Variants in LENG8 observed in about 807,000 individuals in gnomAD.
LENG8 encodes the protein leukocyte receptor cluster (LRC) member 8.
LENG8 carries 28 observed loss-of-function variants against 102.1 expected under a neutral mutation model. The observed-to-expected ratio is 0.27, with a 90% CI of 0.20 to 0.38. The LOEUF is 0.38. Ranked by LOEUF, LENG8 falls within the 10% of genes least tolerant of loss-of-function variation. The pLI, the probability that LENG8 is intolerant of heterozygous loss-of-function variation, is 1.00. For missense variants in LENG8, 1,022 were observed against 1,113.9 expected (o/e 0.92, Z 1.17); for synonymous variants, 531 against 456.7 (o/e 1.16, Z -2.07).
chr19:54,460,249 C>A, intron 15 of LENG8: 2 of 1,281,532 alleles, frequency 1.6e-6, no homozygotes, highest in South Asian at 2.5e-5. Context: ...GCTCTGAGGA[C>A]CTGGCTCGTG....
intron 1 of LENG8, among the ~76,000 whole-genome samples, chr19:54,450,601 C>T (rs2083915465): frequency 6.7e-6 from 1 of 149,832 alleles, no homozygotes; most frequent in African/African-American, 2.4e-5. Flanking sequence ...GTTCCTTTCA[C>T]AACCCGTACT....
intron 15 of LENG8, chr19:54,459,303 G>A: frequency 9.9e-7 from 1 of 1,011,818 alleles, no homozygotes; most frequent in South Asian, 4.2e-5. Context: ...GAGAAATTCT[G>A]GTCGAAGAGG....
rs763454762 is a variant in LENG8 at position 54,461,244 on chromosome 19, T to C, written c.*316T>C. The C allele has an allele frequency of 5.7e-5, 32 of 557,592 alleles. No homozygotes were observed. Among genetic ancestry groups the C allele is most frequent in the South Asian group, 2.8e-4 (18 of 64,274 alleles). 34.5% of individuals were successfully genotyped at this position (557,592 alleles called of 1,614,324 possible). A position where few individuals can be genotyped will look rare whatever the true frequency, so the allele number is the denominator to read the frequency against. On this transcript the variant is annotated 3_prime_UTR_variant, in exon 16 of 16. Transcript: ENST00000326764. ...GTCTCAGTGTTTTCTCTCTCTCTCT[T>C]TCGAGCTTGCACTCCGGTACCCGAC...
At chr19:54,457,486 G>A (rs894966142) in intron 11 of LENG8, among the ~76,000 whole-genome samples, 22 of 152,230 alleles carry the variant, frequency 1.4e-4, no homozygotes, top group Admixed American at 2.6e-4. Context: ...GATTACAGGC[G>A]TCTGCCACTA....
At position 54,460,867 on chromosome 19, in the gene LENG8, C is replaced by G; in HGVS notation, c.2342C>G (p.Thr781Arg). The change falls in exon 16 of 16, where the codon ACG (threonine) becomes AGG (arginine). Residue 781 changes from threonine (T) to arginine (R), a missense_variant. Thr to Arg is a moderately conservative substitution (Grantham distance 71, BLOSUM62 -1). This residue lies in a region of LENG8 where 129 missense variants were observed against 123.0 expected (regional missense o/e 1.05). Transcript: ENST00000326764. ...AFLEPLGLAYTGPDNSSIDCR... is the reference protein window; with the variant it reads ...AFLEPLGLAYRGPDNSSIDCR... ...CTAGAGCCCCTGGGCCTGGCCTACA[C>G]GGGCCCGGACAACTCCAGCATCGAC... 6.4e-7 allele frequency: 1 copy of G among 1,562,782 alleles called. No individual in the cohort carries two copies. Among genetic ancestry groups the G allele is most frequent in the Non-Finnish European group, 8.7e-7 (1 of 1,155,062 alleles).
chr19:54,451,044 C>T (rs1410467850), intron 1 of LENG8, among the ~76,000 whole-genome samples: 1 of 152,184 alleles, frequency 6.6e-6, no homozygotes, highest in Non-Finnish European at 1.5e-5. Context: ...GAAGTCTGCT[C>T]TGGCTTCCCT....
At position 54,451,786 on chromosome 19, in the gene LENG8, G is replaced by T. The variant is rs373853345; in HGVS notation, c.39-307G>T. 7.6e-4 allele frequency among the ~76,000 whole-genome samples: 116 copies of T among 152,268 alleles called. 1 individual carries two copies. The highest frequency in any genetic ancestry group is 2.7e-3 in the African/African-American group (113 of 41,556). The stretch of plus-strand genomic sequence containing the variant: ...AATTCATTGATTCATGAAAGACATA[G>T]CCCTAGGAGGTGCCAAGGCCTGTGT... On this transcript the variant is annotated intron_variant, in intron 2 of 15. Transcript: ENST00000326764.
chr19:54,461,667 G>C lies in LENG8; in HGVS notation c.*739G>C. The C allele has an allele frequency of 2.1e-6, 1 of 478,996 alleles. No homozygotes were observed. Among genetic ancestry groups the C allele is most frequent in the Non-Finnish European group, 4.3e-6 (1 of 233,492 alleles). The allele number at this position is 478,996 out of a possible 1,614,324, so 29.7% of individuals were successfully genotyped here. A position where few individuals can be genotyped will look rare whatever the true frequency, so the allele number is the denominator to read the frequency against. On this transcript the variant is annotated 3_prime_UTR_variant, in exon 16 of 16. Transcript: ENST00000326764. ...CCCTCCCTCTCCGCATTCTTCCCTT[G>C]GTTCAGCACAGGTAAAACGGTTCCC... is the stretch of plus-strand genomic sequence containing the variant.
intron 11 of LENG8, 72 bp from the exon 12 acceptor site, chr19:54,457,675 C>T (rs551545796): frequency 1.2e-5 from 13 of 1,079,640 alleles, no homozygotes; most frequent in South Asian, 1.1e-4. Flanking sequence ...AACTCTCCCA[C>T]CAAATAAGTG....
At chr19:54,453,069 G>C (rs534836156) in intron 4 of LENG8, among the ~76,000 whole-genome samples, 1 of 152,330 alleles carries the variant, frequency 6.6e-6, no homozygotes, top group African/African-American at 2.4e-5. Flanking sequence ...TGCTCCCTGT[G>C]TTGCCGCCTC....
chr19:54,454,025 C>T lies in LENG8; in HGVS notation c.426+369C>T, dbSNP rs2084090876. ...CTGTCCCACCCCTGGTGTAATTACG[C>T]ATCTCGGTCAGCTCTCGAAAGCGGG... On this transcript the variant is annotated intron_variant, in intron 5 of 15. Coordinates refer to ENST00000326764, the MANE Select transcript of LENG8 (RefSeq NM_052925.4). Among the ~76,000 whole-genome samples the T allele has an allele frequency of 2.6e-5, 4 of 152,262 alleles. No individual in the cohort carries two copies. In the South Asian group the frequency reaches 8.3e-4, roughly 32 times the overall value.
Position 54,454,420 on chromosome 19 carries a change from C to T in LENG8, c.427-10C>T, listed in dbSNP as rs776096485. The stretch of plus-strand genomic sequence containing the variant: ...TGCCTCCCGTGCTCAGCGCCTGCTT[C>T]CTTCTGCAGCCCCCAGTCCCCGGCA... On this transcript the variant is annotated splice_polypyrimidine_tract_variant and intron_variant, in intron 5 of 15. Transcript: ENST00000326764. 3.8e-6 allele frequency: 6 copies of T among 1,593,588 alleles called. No homozygotes were observed. In the Admixed American group the frequency reaches 6.9e-5, roughly 18 times the overall value.
intron 15 of LENG8, chr19:54,460,166 C>T (rs1051572997): frequency 7.0e-6 from 9 of 1,289,834 alleles, no homozygotes; most frequent in African/African-American, 1.5e-5. Context: ...GACTTAGTGC[C>T]CCTCACTCGG....
Position 54,461,519 on chromosome 19 carries a change from C to T in LENG8, c.*591C>T, listed in dbSNP as rs1028193177. On this transcript the variant is annotated 3_prime_UTR_variant, in exon 16 of 16. Transcript: ENST00000326764. Reference sequence around the variant, plus strand: ...GCACCACCAGCACCAGATCCTCCGCCGCCACACCGCACTGAGGACACGCCG... The same window carrying T: ...GCACCACCAGCACCAGATCCTCCGCTGCCACACCGCACTGAGGACACGCCG... 4.5e-5 allele frequency: 21 copies of T among 470,694 alleles called. No individual in the cohort carries two copies. Among genetic ancestry groups the T allele is most frequent in the Non-Finnish European group, 6.6e-5 (15 of 227,232 alleles). The allele number at this position is 470,694 out of a possible 1,614,324, so 29.2% of individuals were successfully genotyped here. A position where few individuals can be genotyped will look rare whatever the true frequency, so the allele number is the denominator to read the frequency against.
In LENG8 at chr19:54,456,840, C is replaced by G. The variant is rs761941097; in HGVS notation, c.1650C>G (p.Ile550Met). 6.2e-6 allele frequency: 10 copies of G among 1,611,036 alleles called. No individual in the cohort carries two copies. The highest frequency in any genetic ancestry group is 7.6e-6 in the Non-Finnish European group (9 of 1,179,764). Residue 550 changes from isoleucine (I) to methionine (M), a missense_variant, in exon 11 of 16, where the codon ATC becomes ATG. Ile to Met is a conservative substitution (Grantham distance 10). This residue lies in a region of LENG8 where 158 missense variants were observed against 229.0 expected (regional missense o/e 0.69). Transcript: ENST00000326764. ...ACCCTGACTGGCAGGAGCTGCAGATCGTGGGCACCTGCCCTGACATCACCA... is the reference window on the plus strand; with the variant it reads ...ACCCTGACTGGCAGGAGCTGCAGATGGTGGGCACCTGCCCTGACATCACCA... ...GADPDWQELQ[I>M]VGTCPDITKH...
At chr19:54,457,676 C>A (rs774511211) in intron 11 of LENG8, 71 bp from the exon 12 acceptor site, 19 of 1,088,104 alleles carry the variant, frequency 1.7e-5, no homozygotes, top group Non-Finnish European at 2.4e-5. Context: ...ACTCTCCCAC[C>A]AAATAAGTGG....
At chr19:54,458,879 T>G in intron 15 of LENG8, 3 of 1,549,002 alleles carry the variant, frequency 1.9e-6, no homozygotes, top group Non-Finnish European at 2.6e-6. Flanking sequence ...CTCTGCTTTC[T>G]CAGCTTGTCG....
rs756616515 is a variant in LENG8 at position 54,456,031 on chromosome 19, C to T, written c.1090C>T (p.His364Tyr). The T allele has an allele frequency of 1.2e-6, 2 of 1,613,064 alleles. No homozygotes were observed. Among genetic ancestry groups the T allele is most frequent in the African/African-American group, 2.7e-5 (2 of 74,882 alleles). ...GCGGTGGGAGGCCGCTAGCAGCCTT[C>T]ACCCTCCTAGAGGGGCAGGCTCGGC... is the stretch of plus-strand genomic sequence containing the variant. The part of the protein sequence containing the change: ...KKRWEAASSL[H>Y]PPRGAGSATR... The change falls in exon 9 of 16, where the codon CAC (histidine) becomes TAC (tyrosine). Residue 364 changes from histidine (H) to tyrosine (Y), a missense_variant. Around this residue, in one of 7 missense-constraint regions of LENG8, gnomAD observed 326 missense variants for 324.5 expected, o/e 1.00. Coordinates refer to ENST00000326764, the MANE Select transcript of LENG8 (RefSeq NM_052925.4).
Position 54,452,002 on chromosome 19 carries a change from T to C in LENG8, c.39-91T>C, listed in dbSNP as rs548668234. The C allele has an allele frequency of 5.3e-4, 643 of 1,206,448 alleles. 1 individual carries two copies. Among genetic ancestry groups the C allele is most frequent in the Non-Finnish European group, 6.7e-4 (561 of 842,466 alleles). 74.7% of individuals were successfully genotyped at this position (1,206,448 alleles called of 1,614,324 possible). On this transcript the variant is annotated intron_variant, in intron 2 of 15. Coordinates refer to ENST00000326764, the MANE Select transcript of LENG8 (RefSeq NM_052925.4). ...TTAGACTGGTAGTAACAGTTAGATA[T>C]GGGATCCAGGGGCTGGAATTTGCCT...
Sources: gnomAD v4.1 joint callset for allele counts (sites outside exome capture counted in the v4.1 genomes callset) on GRCh38, gnomAD v4.1.1 for gene constraint, gnomAD v4.1.1 regional missense constraint, MANE v1.5 for transcripts, NCBI Gene and HGNC (gene_info 2026-07-23, HGNC 2026-07-21) for gene names.